The following FSHR variants were observed in gnomAD, a reference collection of about 807,000 sequenced individuals.
The protein encoded by FSHR is follicle-stimulating hormone receptor.
FSHR carries 46 observed loss-of-function variants against 52.1 expected under a neutral mutation model. The observed-to-expected ratio is 0.88, with a 90% CI of 0.70 to 1.13. The LOEUF is 1.13. Ranked by LOEUF, FSHR falls within the 50% of genes most tolerant of loss-of-function variation. The probability of loss-of-function intolerance (pLI) is 0.00; values close to 1 mark genes in which losing one functional copy is unlikely to be tolerated. For missense variants in FSHR, 964 were observed against 834.6 expected (o/e 1.16, Z -1.91); for synonymous variants, 399 against 309.6 (o/e 1.29, Z -3.03).
chr2:49,084,872 G>A (rs2103669422), intron 1 of FSHR, among the ~76,000 whole-genome samples: 1 of 152,000 alleles, frequency 6.6e-6, no homozygotes, highest in Non-Finnish European at 1.5e-5. Context: ...CAACCAAAAA[G>A]AGTCCAGGAC....
chr2:48,972,025 T>C (rs1674763401), intron 8 of FSHR, among the ~76,000 whole-genome samples: 1 of 152,242 alleles, frequency 6.6e-6, no homozygotes, highest in Non-Finnish European at 1.5e-5. Context: ...TTTGTATTTC[T>C]GGGTTGCTTC....
At chr2:49,018,066 G>A (rs6760046) in intron 3 of FSHR, among the ~76,000 whole-genome samples, 151,696 of 152,328 alleles carry the variant, frequency 1, 75,533 homozygotes, top group East Asian at 1. Flanking sequence ...GGGCAAAAAG[G>A]TATTGGAGGA....
chr2:49,108,450 C>T lies in FSHR; in HGVS notation c.153-40160G>A, dbSNP rs555512455. Among the ~76,000 whole-genome samples, 26 of 152,114 alleles carry T rather than the reference C, an allele frequency of 1.7e-4. 1 individual carries two copies. The highest frequency in any genetic ancestry group is 7.4e-5 in the Non-Finnish European group (5 of 68,016). On this transcript the variant is annotated intron_variant, in intron 1 of 9. Transcript: ENST00000406846. Reference sequence around the variant, plus strand: ...GGGTTTATTTGCCCTCTGTCTCTAGCGTGTCTTTTGCCCCTCTCACTCCTT... The same window carrying T: ...GGGTTTATTTGCCCTCTGTCTCTAGTGTGTCTTTTGCCCCTCTCACTCCTT...
intron 8 of FSHR, among the ~76,000 whole-genome samples, chr2:48,975,249 C>T (rs183939560): frequency 6.6e-6 from 1 of 152,188 alleles, no homozygotes; most frequent in East Asian, 1.9e-4. Context: ...ATCAGAACTC[C>T]AGGTTCTCAG....
At chr2:48,987,867 C>T (rs1211587914) in intron 6 of FSHR, among the ~76,000 whole-genome samples, 1 of 151,774 alleles carries the variant, frequency 6.6e-6, no homozygotes, top group Non-Finnish European at 1.5e-5. Flanking sequence ...CACACACACA[C>T]ACACCCCTTC....
chr2:48,993,948 AT>A (rs1675904494), intron 4 of FSHR, among the ~76,000 whole-genome samples: 1 of 152,150 alleles, frequency 6.6e-6, no homozygotes, highest in African/African-American at 2.4e-5. Context: ...ATATAACTGC[AT>A]CTGTTTTAGC....
chr2:48,969,350 A>C (rs1169809264), intron 8 of FSHR, among the ~76,000 whole-genome samples: 1 of 152,230 alleles, frequency 6.6e-6, no homozygotes, highest in Non-Finnish European at 1.5e-5. Flanking sequence ...ATATACTACA[A>C]GAGGAAGAAG....
intron 1 of FSHR, among the ~76,000 whole-genome samples, chr2:49,108,436 C>A (rs1293551587): frequency 6.6e-6 from 1 of 152,100 alleles, no homozygotes; most frequent in African/African-American, 2.4e-5. Flanking sequence ...GGTTTATTTG[C>A]CCTCTGTCTC....
intron 2 of FSHR, among the ~76,000 whole-genome samples, chr2:49,028,961 A>G (rs1364227842): frequency 1.3e-5 from 2 of 152,212 alleles, no homozygotes; most frequent in Non-Finnish European, 1.5e-5. Flanking sequence ...TTAAGAGTCT[A>G]GTACCCTGGG....
Position 48,989,264 on chromosome 2 carries a change from A to G in FSHR, c.447-210T>C, listed in dbSNP as rs374896494. ...TGTTCTTACAAATGGAATTGCAGACATTCAGTGTCTTTTTTTTTTTTTTTT... is the reference window on the plus strand; with the variant it reads ...TGTTCTTACAAATGGAATTGCAGACGTTCAGTGTCTTTTTTTTTTTTTTTT... On this transcript the variant is annotated intron_variant, in intron 5 of 9. Transcript: ENST00000406846. Among the ~76,000 whole-genome samples, 647 of 137,494 alleles carry G rather than the reference A, an allele frequency of 4.7e-3. 5 individuals are homozygous for G. Among genetic ancestry groups the G allele is most frequent in the African/African-American group, 0.016 (590 of 37,780 alleles). The allele number at this position is 137,494 out of a possible 152,430, so 90.2% of individuals were successfully genotyped here. A position where few individuals can be genotyped will look rare whatever the true frequency, so the allele number is the denominator to read the frequency against.
chr2:49,099,127 T>G (rs1670932696), intron 1 of FSHR, among the ~76,000 whole-genome samples: 1 of 152,026 alleles, frequency 6.6e-6, no homozygotes, highest in East Asian at 1.9e-4. Context: ...CAAAATATGT[T>G]GAAGTCTTTG....
intron 8 of FSHR, among the ~76,000 whole-genome samples, chr2:48,977,142 C>T (rs1675027751): frequency 1.3e-5 from 2 of 150,406 alleles, no homozygotes; most frequent in South Asian, 2.1e-4. Flanking sequence ...CTCTCTCTCT[C>T]GTTTCTGTCT....
chr2:49,042,003 G>A (rs1307256315), intron 2 of FSHR, among the ~76,000 whole-genome samples: 1 of 152,122 alleles, frequency 6.6e-6, no homozygotes, highest in Non-Finnish European at 1.5e-5. Flanking sequence ...AACTAGTTGT[G>A]TGCGGTGGTG....
intron 1 of FSHR, among the ~76,000 whole-genome samples, chr2:49,144,005 C>G (rs1672782228): frequency 6.6e-6 from 1 of 151,984 alleles, no homozygotes; most frequent in South Asian, 2.1e-4. Context: ...GTGCCCCTAC[C>G]CACCCAAGCA....
intron 2 of FSHR, among the ~76,000 whole-genome samples, chr2:49,065,387 G>A (rs1265324986): frequency 6.6e-6 from 1 of 151,998 alleles, no homozygotes; most frequent in Admixed American, 6.6e-5. Context: ...AATGAGAAGA[G>A]GACTGGATAT....
chr2:48,967,368 G>T lies in FSHR; in HGVS notation c.854+1330C>A, dbSNP rs566395832. 1.4e-4 allele frequency among the ~76,000 whole-genome samples: 21 copies of T among 152,236 alleles called. No homozygotes were observed. The South Asian group carries it at 2.3e-3, about 17-fold the overall frequency. ...TCCGCCTTGGCCTCCCAAAGTGCTG[G>T]GGTTATGGGTGTCAGCCACCTTGCC... On this transcript the variant is annotated intron_variant, in intron 9 of 9. Transcript: ENST00000406846.
intron 6 of FSHR, among the ~76,000 whole-genome samples, chr2:48,984,353 C>T (rs1023412248): frequency 1.3e-5 from 2 of 152,204 alleles, no homozygotes; most frequent in South Asian, 4.1e-4. Flanking sequence ...CATCTGGACT[C>T]CTGACTGTTG....
intron 1 of FSHR, among the ~76,000 whole-genome samples, chr2:49,090,582 T>C (rs58783236): frequency 0.22 from 34,006 of 152,168 alleles, 3,821 homozygotes; most frequent in East Asian, 0.28. Flanking sequence ...TAAACACTTA[T>C]GTGGAGGTTT....
At chr2:49,089,970 G>A (rs1290925502) in intron 1 of FSHR, among the ~76,000 whole-genome samples, 1 of 152,118 alleles carries the variant, frequency 6.6e-6, no homozygotes, top group African/African-American at 2.4e-5. Flanking sequence ...TGGCTAAAAG[G>A]CAAAAAGACC....
Sources: gnomAD v4.1 joint callset for allele counts (sites outside exome capture counted in the v4.1 genomes callset) on GRCh38, gnomAD v4.1.1 for gene constraint, MANE v1.5 for transcripts, NCBI Gene and HGNC (gene_info 2026-07-23, HGNC 2026-07-21) for gene names.